SMARCB1: variants seen among roughly 807,000 people sequenced by gnomAD.
SMARCB1 encodes SWI/SNF related BAF chromatin remodeling complex subunit B1.
A neutral mutation model predicts 49.0 loss-of-function variants in SMARCB1; 5 were observed. The ratio of observed to expected loss-of-function variants is 0.10; its 90% CI spans 0.05 to 0.21. The LOEUF is 0.21. SMARCB1 is among the 10% of genes least tolerant of loss of function. The pLI, the probability that SMARCB1 is intolerant of heterozygous loss-of-function variation, is 1.00. For missense variants in SMARCB1, 226 were observed against 509.2 expected (o/e 0.44, Z 5.35); for synonymous variants, 201 against 200.1 (o/e 1.00, Z -0.04).
intron 5 of SMARCB1, among the ~76,000 whole-genome samples, chr22:23,805,406 C>A (rs913991297): frequency 6.6e-6 from 1 of 152,336 alleles, no homozygotes; most frequent in East Asian, 1.9e-4. Context: ...CCAAGCTCCC[C>A]GTTTATCTCT....
At chr22:23,812,939 A>G (rs1238902227) in intron 5 of SMARCB1, among the ~76,000 whole-genome samples, 2 of 148,124 alleles carry the variant, frequency 1.4e-5, no homozygotes, top group Non-Finnish European at 3.0e-5. Flanking sequence ...ATCTCAGCTC[A>G]CTGCAAACTC....
chr22:23,810,171 CAAA>C (rs541598564), intron 5 of SMARCB1, among the ~76,000 whole-genome samples: 1 of 126,114 alleles, frequency 7.9e-6, no homozygotes, highest in African/African-American at 2.9e-5. Context: ...GACTCCAACT[CAAA>C]AAAAAAAAAG....
chr22:23,804,213 T>G (rs1344830418), intron 5 of SMARCB1: 2 of 152,206 alleles, frequency 1.3e-5, no homozygotes, highest in Non-Finnish European at 2.9e-5. Context: ...TACTTATTTT[T>G]TTTTTTAAGA....
At position 23,791,712 on chromosome 22, in the gene SMARCB1, T is replaced by G. The variant is rs774211469; in HGVS notation, c.94-44T>G. The stretch of plus-strand genomic sequence containing the variant: ...TGCGCCAGGACCCTCCCCTTCCCTG[T>G]GGTGCTGCGACCCTTATAATGAGCC... On this transcript the variant is annotated intron_variant, in intron 1 of 8. Transcript: ENST00000644036. The G allele has an allele frequency of 1.1e-5, 18 of 1,605,552 alleles. No individual in the cohort carries two copies. The Admixed American group carries it at 2.8e-4, about 25-fold the overall frequency.
At chr22:23,822,380 C>G (rs1156279989) in intron 6 of SMARCB1, among the ~76,000 whole-genome samples, 1 of 152,200 alleles carries the variant, frequency 6.6e-6, no homozygotes, top group Non-Finnish European at 1.5e-5. Flanking sequence ...GGGCCTGGCC[C>G]TGCTGTGCAC....
At chr22:23,810,397 G>T (rs1260214154) in intron 5 of SMARCB1, among the ~76,000 whole-genome samples, 1 of 150,680 alleles carries the variant, frequency 6.6e-6, no homozygotes, top group South Asian at 2.1e-4. Context: ...GCATGGTGGC[G>T]CACGCCTGTA....
intron 7 of SMARCB1, among the ~76,000 whole-genome samples, chr22:23,827,149 G>A (rs995456294): frequency 1.3e-5 from 2 of 152,228 alleles, no homozygotes; most frequent in Non-Finnish European, 2.9e-5. Flanking sequence ...CGCAGAGGCT[G>A]ATCCAGTCAG....
chr22:23,825,182 G>A, intron 6 of SMARCB1, 43 bp from the exon 7 acceptor site: 1 of 1,589,040 alleles, frequency 6.3e-7, no homozygotes, highest in South Asian at 1.1e-5. Flanking sequence ...GGCCTCCCTG[G>A]GCTGCAAAAG....
In SMARCB1 at chr22:23,787,097, G is replaced by A; in HGVS notation, c.-73G>A. 1 of 975,178 alleles carries A rather than the reference G, an allele frequency of 1.0e-6. No individual in the cohort carries two copies. Among genetic ancestry groups the A allele is most frequent in the Non-Finnish European group, 1.6e-6 (1 of 615,504 alleles). 60.4% of individuals were successfully genotyped at this position (975,178 alleles called of 1,614,324 possible). On this transcript the variant is annotated 5_prime_UTR_variant, in exon 1 of 9. Transcript: ENST00000644036. ...TCCGGCTTCGGTTTCCCTCGGCCCA[G>A]CACGCCCCGGCCCCGCCCCAGCCCT... is the stretch of plus-strand genomic sequence containing the variant.
intron 7 of SMARCB1, among the ~76,000 whole-genome samples, chr22:23,830,424 G>A (rs2030592482): frequency 1.3e-5 from 2 of 152,074 alleles, no homozygotes. Flanking sequence ...TGTATTTCTG[G>A]CTGTTTGTGT....
intron 4 of SMARCB1, chr22:23,801,349 G>A: frequency 1.4e-6 from 1 of 693,334 alleles, no homozygotes; most frequent in Non-Finnish European, 2.6e-6. Flanking sequence ...CGGTCCTTGG[G>A]CCCTTTCTCT....
Position 23,796,126 on chromosome 22 carries a change from A to G in SMARCB1, c.362+2438A>G, listed in dbSNP as rs35204320. On this transcript the variant is annotated intron_variant, in intron 3 of 8. Coordinates refer to ENST00000644036, the MANE Select transcript of SMARCB1 (RefSeq NM_003073.5). ...CCTTTCTGTAAAGCATCCTGACATC[A>G]AACTTTTTTGTTCTCTGGCCCATTA... is the stretch of plus-strand genomic sequence containing the variant. 3.9e-3 allele frequency among the ~76,000 whole-genome samples: 600 copies of G among 152,144 alleles called. 3 individuals carry two copies. The highest frequency in any genetic ancestry group is 0.013 in the African/African-American group (548 of 41,518).
intron 1 of SMARCB1, among the ~76,000 whole-genome samples, chr22:23,791,063 C>T (rs1928346895): frequency 6.6e-6 from 1 of 152,020 alleles, no homozygotes; most frequent in Non-Finnish European, 1.5e-5. Context: ...TTGGCCATCC[C>T]CTGCAATGTG....
chr22:23,817,054 C>A, intron 6 of SMARCB1, 118 bp downstream of exon 6: 2 of 820,018 alleles, frequency 2.4e-6, no homozygotes, highest in Non-Finnish European at 2.0e-6. Flanking sequence ...TCCATATCAT[C>A]TGGAAAGTCA....
In SMARCB1 at chr22:23,836,778, G is replaced by A; in HGVS notation, c.*2598G>A. ...TCAGGTGGGCCCTTGCATGGGCCCA[G>A]CCTTTAGGATGGGTTTTTTCTGCCC... On this transcript the variant is annotated 3_prime_UTR_variant, in exon 9 of 9. Coordinates refer to ENST00000644036, the MANE Select transcript of SMARCB1 (RefSeq NM_003073.5). 2 of 1,410,248 alleles carry A rather than the reference G, an allele frequency of 1.4e-6. No individual in the cohort carries two copies. The highest frequency in any genetic ancestry group is 1.8e-6 in the Non-Finnish European group (2 of 1,083,144). 87.4% of individuals were successfully genotyped at this position (1,410,248 alleles called of 1,614,324 possible). A position where few individuals can be genotyped will look rare whatever the true frequency, so the allele number is the denominator to read the frequency against.
At chr22:23,830,922 G>A (rs1422934808) in intron 7 of SMARCB1, among the ~76,000 whole-genome samples, 3 of 152,084 alleles carry the variant, frequency 2.0e-5, no homozygotes, top group African/African-American at 7.2e-5. Context: ...GCCTCCCAAA[G>A]TGCTGGGATT....
At chr22:23,815,032 G>A (rs1321060885) in intron 5 of SMARCB1, 1 of 151,480 alleles carries the variant, frequency 6.6e-6, no homozygotes, top group African/African-American at 2.4e-5. Context: ...TTATATAGGT[G>A]GCAAATAAAC....
Position 23,835,025 on chromosome 22 carries a change from G to A in SMARCB1, c.*845G>A. 1 of 1,421,156 alleles carries A rather than the reference G, an allele frequency of 7.0e-7. No individual in the cohort carries two copies. Among genetic ancestry groups the A allele is most frequent in the Non-Finnish European group, 9.2e-7 (1 of 1,089,586 alleles). 88.0% of individuals were successfully genotyped at this position (1,421,156 alleles called of 1,614,324 possible). On this transcript the variant is annotated 3_prime_UTR_variant, in exon 9 of 9. Coordinates refer to ENST00000644036, the MANE Select transcript of SMARCB1 (RefSeq NM_003073.5). ...CTAGCTCCAGTGGCACCCATAGCCAGGTCAGCTGGGGCCCTTTCCCACCCC... is the reference window on the plus strand; with the variant it reads ...CTAGCTCCAGTGGCACCCATAGCCAAGTCAGCTGGGGCCCTTTCCCACCCC...
Position 23,835,480 on chromosome 22 carries a change from T to TG in SMARCB1, c.*1304dup. The TG allele has an allele frequency of 1.0e-6, 1 of 985,738 alleles. No individual in the cohort carries two copies. The highest frequency in any genetic ancestry group is 1.7e-5 in the African/African-American group (1 of 57,374). 61.1% of individuals were successfully genotyped at this position (985,738 alleles called of 1,614,324 possible). On this transcript the variant is annotated 3_prime_UTR_variant, in exon 9 of 9. Coordinates refer to ENST00000644036, the MANE Select transcript of SMARCB1 (RefSeq NM_003073.5). Reference sequence around the variant, plus strand: ...CAGAGGCAGAGCTCTGATTAGGGATTGGGGTTCTTGGTCGCTGAGATGTGA... The same window carrying TG: ...CAGAGGCAGAGCTCTGATTAGGGATTGGGGGTTCTTGGTCGCTGAGATGTGA...
Sources: gnomAD v4.1 joint callset for allele counts (sites outside exome capture counted in the v4.1 genomes callset) on GRCh38, gnomAD v4.1.1 for gene constraint, MANE v1.5 for transcripts, NCBI Gene and HGNC (gene_info 2026-07-23, HGNC 2026-07-21) for gene names.